The following GRB2 variants were observed in gnomAD, a reference collection of about 807,000 sequenced individuals.
GRB2 encodes growth factor receptor bound protein 2, also known as growth factor receptor-bound protein 2.
GRB2 carries 2 observed loss-of-function variants against 27.4 expected under a neutral mutation model. The ratio of observed to expected loss-of-function variants is 0.07; its 90% CI spans 0.03 to 0.23. The LOEUF (loss-of-function observed/expected upper bound fraction) is 0.23, where lower values mean the gene tolerates loss of function less well. Among genes scored for constraint, GRB2 ranks in the 10% least tolerant of loss-of-function variants. The pLI, the probability that GRB2 is intolerant of heterozygous loss-of-function variation, is 1.00. For missense variants in GRB2, 102 were observed against 282.4 expected, an observed-to-expected ratio of 0.36 and a Z score of 4.58; for synonymous variants, 94 against 99.6, an observed-to-expected ratio of 0.94 and a Z score of 0.33.
chr17:75,388,931 C>A (rs901377889), intron 2 of GRB2, among the ~76,000 whole-genome samples: 1 of 152,132 alleles, frequency 6.6e-6, no homozygotes, highest in Admixed American at 6.6e-5. Flanking sequence ...ATCTGACAGG[C>A]AGAAATCCCA....
At chr17:75,324,627 C>G (rs1443201731) in intron 4 of GRB2, among the ~76,000 whole-genome samples, 1 of 147,048 alleles carries the variant, frequency 6.8e-6, no homozygotes, top group African/African-American at 2.5e-5. Context: ...AAATGATTCT[C>G]TGGCCTCAGC....
At chr17:75,344,638 C>T (rs995330842) in intron 2 of GRB2, among the ~76,000 whole-genome samples, 9 of 151,966 alleles carry the variant, frequency 5.9e-5, no homozygotes, top group African/African-American at 1.9e-4. Flanking sequence ...GTGATCTGCC[C>T]GCCTCGGCCT....
intron 2 of GRB2, among the ~76,000 whole-genome samples, chr17:75,383,533 G>A (rs2078943166): frequency 6.6e-6 from 1 of 152,112 alleles, no homozygotes; most frequent in South Asian, 2.1e-4. Context: ...TCTACTTTAT[G>A]CTAGTTACTG....
rs1025773828 is a variant in GRB2, at chr17:75,376,551, G to C, written c.78+17000C>G. On this transcript the variant is annotated intron_variant, in intron 2 of 5. Transcript: ENST00000316804. ...AAAAAAAAAAAGATTAGTGAAGCAT[G>C]AACTTCTACTGATTGTCTTGCACAT... 2.7e-5 allele frequency among the ~76,000 whole-genome samples: 4 copies of C among 150,164 alleles called. No homozygotes were observed. The South Asian group carries it at 8.4e-4, about 31-fold the overall frequency.
intron 2 of GRB2, among the ~76,000 whole-genome samples, chr17:75,382,068 T>C (rs1019813536): frequency 2.0e-5 from 3 of 151,684 alleles, no homozygotes; most frequent in Non-Finnish European, 4.4e-5. Flanking sequence ...ACTAAAAATA[T>C]AAAAATAAGC....
At chr17:75,352,262 G>A (rs1289862172) in intron 2 of GRB2, among the ~76,000 whole-genome samples, 2 of 152,156 alleles carry the variant, frequency 1.3e-5, no homozygotes, top group Non-Finnish European at 2.9e-5. Context: ...GAAGAGACAA[G>A]CTCAGCCTTG....
intron 2 of GRB2, among the ~76,000 whole-genome samples, chr17:75,370,391 G>C (rs559048439): frequency 6.6e-6 from 1 of 152,192 alleles, no homozygotes; most frequent in Non-Finnish European, 1.5e-5. Flanking sequence ...GAGAGAATTT[G>C]TACCACTTGT....
chr17:75,395,840 GTT>G lies in GRB2; in HGVS notation c.-137-2077_-137-2076del, dbSNP rs11344182. Among the ~76,000 whole-genome samples, 527 of 139,504 alleles carry G rather than the reference GTT, an allele frequency of 3.8e-3. 2 individuals are homozygous for G. The highest frequency in any genetic ancestry group is 0.011 in the African/African-American group (441 of 38,520). 91.5% of individuals were successfully genotyped at this position (139,504 alleles called of 152,430 possible). ...CACTAAAACCAATCATACTTTTTGTGTTTTTTTTTTTTTCTTTTTTGAGATAG... is the reference window on the plus strand; with the variant it reads ...CACTAAAACCAATCATACTTTTTGTGTTTTTTTTTTTCTTTTTTGAGATAG... On this transcript the variant is annotated intron_variant, in intron 1 of 5. Coordinates refer to ENST00000316804, the MANE Select transcript of GRB2 (RefSeq NM_002086.5).
chr17:75,383,619 G>A (rs747685902), intron 2 of GRB2, among the ~76,000 whole-genome samples: 5 of 152,166 alleles, frequency 3.3e-5, no homozygotes, highest in African/African-American at 7.2e-5. Flanking sequence ...TGAGGCAGGC[G>A]GATCACAAGG....
chr17:75,399,367 CTTTTTTTT>C (rs71161208), intron 1 of GRB2, among the ~76,000 whole-genome samples: 2 of 107,950 alleles, frequency 1.9e-5, no homozygotes, highest in Non-Finnish European at 4.0e-5. Flanking sequence ...ACAATCTTTT[CTTTTTTTT>C]TTTTTTTTTT....
chr17:75,404,656 G>A (rs903471570), intron 1 of GRB2, among the ~76,000 whole-genome samples: 3 of 152,104 alleles, frequency 2.0e-5, no homozygotes, highest in Non-Finnish European at 4.4e-5. Flanking sequence ...GGAGAAAGAG[G>A]AGTAAGAAAG....
intron 2 of GRB2, chr17:75,372,078 T>A (rs1204060238): frequency 6.6e-6 from 1 of 152,176 alleles, no homozygotes; most frequent in African/African-American, 2.4e-5. Context: ...TCTGGATATG[T>A]CTCAGATGCT....
In GRB2 at chr17:75,333,430, G is replaced by A. The variant is rs988510353; in HGVS notation, c.79-633C>T. Among the ~76,000 whole-genome samples, 3 of 152,092 alleles carry A rather than the reference G, an allele frequency of 2.0e-5. No individual in the cohort carries two copies. The East Asian group carries it at 5.8e-4, about 29-fold the overall frequency. Reference sequence around the variant, plus strand: ...GAGAGAAACCTGGAGAAGAGGTTCTGGAAAATGGCAAACACATAGGAGAAT... The same window carrying A: ...GAGAGAAACCTGGAGAAGAGGTTCTAGAAAATGGCAAACACATAGGAGAAT... On this transcript the variant is annotated intron_variant, in intron 2 of 5. Transcript: ENST00000316804.
intron 3 of GRB2, among the ~76,000 whole-genome samples, chr17:75,330,777 G>C (rs2078535615): frequency 6.6e-6 from 1 of 151,896 alleles, no homozygotes; most frequent in African/African-American, 2.4e-5. Flanking sequence ...AGGGGAGAAG[G>C]CTAATTTTCC....
chr17:75,346,396 T>G (rs1303870824), intron 2 of GRB2, among the ~76,000 whole-genome samples: 1 of 150,344 alleles, frequency 6.7e-6, no homozygotes, highest in Non-Finnish European at 1.5e-5. Context: ...CTCGGGGGGC[T>G]GAGGCAGGAG....
chr17:75,400,427 G>A (rs1022918291), intron 1 of GRB2, among the ~76,000 whole-genome samples: 3 of 151,460 alleles, frequency 2.0e-5, no homozygotes, highest in Non-Finnish European at 4.4e-5. Flanking sequence ...ACCAGCCTTG[G>A]CCTCCCAAAG....
intron 2 of GRB2, among the ~76,000 whole-genome samples, chr17:75,359,057 A>C (rs2078758836): frequency 6.8e-6 from 1 of 147,320 alleles, no homozygotes; most frequent in African/African-American, 2.5e-5. Flanking sequence ...TATTTAAAAA[A>C]CGCAAAAATT....
At chr17:75,335,175 C>A (rs1567859183) in intron 2 of GRB2, among the ~76,000 whole-genome samples, 1 of 152,130 alleles carries the variant, frequency 6.6e-6, no homozygotes, top group Non-Finnish European at 1.5e-5. Context: ...CGGAGCAGAA[C>A]AGAATCAGGT....
In GRB2 at chr17:75,337,901, C is replaced by CTAT. The variant is rs71361670; in HGVS notation, c.79-5107_79-5105dup. ...ACTACTACTACTACTACTACTACTACTATTATTATTATTATTATTATTATT... is the reference window on the plus strand; with the variant it reads ...ACTACTACTACTACTACTACTACTACTATTATTATTATTATTATTATTATTATT... On this transcript the variant is annotated intron_variant, in intron 2 of 5. Coordinates refer to ENST00000316804, the MANE Select transcript of GRB2 (RefSeq NM_002086.5). Among the ~76,000 whole-genome samples, 239 of 117,364 alleles carry CTAT rather than the reference C, an allele frequency of 2.0e-3. 2 individuals are homozygous for CTAT. The highest frequency in any genetic ancestry group is 6.2e-3 in the African/African-American group (149 of 24,214). The allele number at this position is 117,364 out of a possible 152,430, so 77.0% of individuals were successfully genotyped here.
Sources: allele counts gnomAD v4.1 joint callset (sites outside exome capture counted in the v4.1 genomes callset), GRCh38; gene constraint gnomAD v4.1.1; transcripts MANE v1.5; gene names NCBI Gene and HGNC (gene_info 2026-07-23, HGNC 2026-07-21).